The following ZNF638 variants were observed in gnomAD, a reference collection of about 807,000 sequenced individuals.
The protein encoded by ZNF638 is CTCL tumor antigen se33-1.
Under a neutral mutation model 195.6 loss-of-function variants are expected in ZNF638, and 46 were observed. That is an observed-to-expected ratio of 0.24 (90% CI 0.19 to 0.30). The LOEUF is 0.30. ZNF638 is among the 10% of genes least tolerant of loss of function. ZNF638 has a pLI of 1.00. For synonymous variants in ZNF638, 845 were observed against 772.0 expected (o/e 1.09, Z -1.57); for missense variants, 2,440 against 2,325.3 (o/e 1.05, Z -1.01).
At chr2:71,361,137 A>G (rs2079101939) in intron 3 of ZNF638, among the ~76,000 whole-genome samples, 1 of 152,060 alleles carries the variant, frequency 6.6e-6, no homozygotes. Context: ...AATTTTTTGT[A>G]TTTTTGGTAG....
rs138624887 is a variant in ZNF638 at position 71,356,303 on chromosome 2, A to G, written c.1379+523A>G. Among the ~76,000 whole-genome samples, 117 of 152,310 alleles carry G rather than the reference A, an allele frequency of 7.7e-4. 1 individual carries two copies. In the East Asian group the frequency reaches 0.021, roughly 27 times the overall value. ...TCTTCTTAAAGACAGGGCACCTGTG[A>G]AGTTTTCCCTACTGGCCATAGAGGT... On this transcript the variant is annotated intron_variant, in intron 3 of 27. Coordinates refer to ENST00000264447, the MANE Select transcript of ZNF638 (RefSeq NM_014497.5).
intron 10 of ZNF638, chr2:71,388,746 G>A (rs773865700): frequency 1.8e-6 from 2 of 1,086,248 alleles, no homozygotes; most frequent in East Asian, 2.4e-5. Flanking sequence ...TGCCCACTCG[G>A]GATATCCAAG....
At chr2:71,354,954 TATTTTA>T (rs1558837457) in intron 2 of ZNF638, among the ~76,000 whole-genome samples, 18 of 151,876 alleles carry the variant, frequency 1.2e-4, no homozygotes, top group Non-Finnish European at 2.4e-4. Context: ...GTAGCATTTT[TATTTTA>T]TTTTTATTTT....
chr2:71,333,398 T>C (rs2078607758), intron 1 of ZNF638, among the ~76,000 whole-genome samples: 1 of 152,230 alleles, frequency 6.6e-6, no homozygotes, highest in African/African-American at 2.4e-5. Flanking sequence ...TTTTATTAAC[T>C]AGTTTTCATA....
chr2:71,365,581 A>C lies in ZNF638; in HGVS notation c.1870A>C (p.Ser624Arg). Residue 624 changes from serine to arginine, a missense_variant, in exon 6 of 28, where the codon AGC (serine) becomes CGC (arginine). Physicochemically the swap from Ser to Arg is moderately radical, Grantham distance 110. Around this residue, in one of 5 missense-constraint regions of ZNF638, gnomAD observed 1,883 missense variants for 1,739.1 expected, o/e 1.08. Coordinates refer to ENST00000264447, the MANE Select transcript of ZNF638 (RefSeq NM_014497.5). ...SGTKPSVKPT[S>R]ATKSDSNLGG... ...AACAAAACCATCAGTTAAACCTACAAGCGCTACAAAGAGTGATTCAAATCT... is the reference window on the plus strand; with the variant it reads ...AACAAAACCATCAGTTAAACCTACACGCGCTACAAAGAGTGATTCAAATCT... 1 of 1,614,214 alleles carries C rather than the reference A, an allele frequency of 6.2e-7. No individual in the cohort carries two copies. The highest frequency in any genetic ancestry group is 8.5e-7 in the Non-Finnish European group (1 of 1,180,026).
At chr2:71,393,762 G>A (rs1268963483) in intron 10 of ZNF638, 1 of 628,410 alleles carries the variant, frequency 1.6e-6, no homozygotes, top group Non-Finnish European at 2.9e-6. Context: ...CTGTTACCTG[G>A]GCAGGCACCC....
rs184156516 is a variant in ZNF638 at position 71,332,668 on chromosome 2, A to G, written c.-203+793A>G. Among the ~76,000 whole-genome samples, 68 of 152,296 alleles carry G rather than the reference A, an allele frequency of 4.5e-4. No individual in the cohort carries two copies. The East Asian group carries it at 8.5e-3, about 19-fold the overall frequency. On this transcript the variant is annotated intron_variant, in intron 1 of 27. Coordinates refer to ENST00000264447, the MANE Select transcript of ZNF638 (RefSeq NM_014497.5). ...GTTCTCTTAAAGGAAGGGGGAATGT[A>G]TATATCACAGACTGGAATCCTTGAG...
chr2:71,369,597 T>A lies in ZNF638; in HGVS notation c.2143-286T>A, dbSNP rs2542515. ...GACCATATCTTCCCTTCCCTCCTGTTGTTCAGTGAGCCCTGCCTTCTCATT... is the reference window on the plus strand; with the variant it reads ...GACCATATCTTCCCTTCCCTCCTGTAGTTCAGTGAGCCCTGCCTTCTCATT... On this transcript the variant is annotated intron_variant, in intron 7 of 27. Transcript: ENST00000264447. Among the ~76,000 whole-genome samples the A allele has an allele frequency of 0.099, 15,071 of 152,230 alleles. 810 individuals carry two copies. Among genetic ancestry groups the A allele is most frequent in the Non-Finnish European group, 0.12 (8,345 of 68,002 alleles).
rs58219651 is a variant in ZNF638 at position 71,386,293 on chromosome 2, CAAAAAAA to C, written c.2377+5746_2377+5752del. 2.9e-3 allele frequency among the ~76,000 whole-genome samples: 251 copies of C among 85,208 alleles called. 2 individuals carry two copies. Among genetic ancestry groups the C allele is most frequent in the African/African-American group, 9.7e-3 (232 of 23,870 alleles). The allele number at this position is 85,208 out of a possible 152,430, so 55.9% of individuals were successfully genotyped here. A position where few individuals can be genotyped will look rare whatever the true frequency, so the allele number is the denominator to read the frequency against. ...TATGCAACAGAGTGAGACCTTGTCTCAAAAAAAAAAAAAAAAAAAAAAAAGTTTCTTA... is the reference window on the plus strand; with the variant it reads ...TATGCAACAGAGTGAGACCTTGTCTCAAAAAAAAAAAAAAAAAGTTTCTTA... On this transcript the variant is annotated intron_variant, in intron 10 of 27. Transcript: ENST00000264447.
intron 3 of ZNF638, among the ~76,000 whole-genome samples, chr2:71,360,792 CCTTG>C (rs1416261716): frequency 6.6e-6 from 1 of 152,144 alleles, no homozygotes; most frequent in Admixed American, 6.5e-5. Context: ...TTAACTAGGT[CCTTG>C]CTCTTAATAG....
At position 71,393,748 on chromosome 2, in the gene ZNF638, C is replaced by T. The variant is rs531546454; in HGVS notation, c.2378-2393C>T. 798 of 641,872 alleles carry T rather than the reference C, an allele frequency of 1.2e-3. 1 individual carries two copies. The highest frequency in any genetic ancestry group is 2.3e-3 in the Middle Eastern group (8 of 3,518). 39.8% of individuals were successfully genotyped at this position (641,872 alleles called of 1,614,324 possible). A position where few individuals can be genotyped will look rare whatever the true frequency, so the allele number is the denominator to read the frequency against. ...TCATCTGTTAGATCCGCCTTTCTTA[C>T]GCCCTGTTACCTGGGCAGGCACCCC... On this transcript the variant is annotated intron_variant, in intron 10 of 27. Transcript: ENST00000264447.
At position 71,408,470 on chromosome 2, in the gene ZNF638, T is replaced by TA. The variant is rs1266130249; in HGVS notation, c.3261+224dup. The TA allele has an allele frequency of 2.1e-5, 10 of 474,126 alleles. No homozygotes were observed. In the East Asian group the frequency reaches 4.1e-4, roughly 20 times the overall value. 29.4% of individuals were successfully genotyped at this position (474,126 alleles called of 1,614,324 possible). ...TAACATATATGCATTTTTGAATACT[T>TA]ACTGTTGACATGTAGGTATCTACAT... On this transcript the variant is annotated intron_variant, in intron 20 of 27. Coordinates refer to ENST00000264447, the MANE Select transcript of ZNF638 (RefSeq NM_014497.5).
chr2:71,387,742 ATTCT>A (rs2079673689), intron 10 of ZNF638, among the ~76,000 whole-genome samples: 1 of 152,212 alleles, frequency 6.6e-6, no homozygotes, highest in Admixed American at 6.5e-5. Context: ...TGATAACAGT[ATTCT>A]TTAAGTGTGG....
Position 71,396,371 on chromosome 2 carries a change from A to G in ZNF638, c.2428+180A>G, listed in dbSNP as rs539582567. ...ATGATATGTACTAGATAATGCTTCT[A>G]TAGTAATTATTGAAATAATTAACTG... On this transcript the variant is annotated intron_variant, in intron 11 of 27. Coordinates refer to ENST00000264447, the MANE Select transcript of ZNF638 (RefSeq NM_014497.5). 3.3e-4 allele frequency among the ~76,000 whole-genome samples: 50 copies of G among 152,336 alleles called. 1 individual carries two copies. The highest frequency in any genetic ancestry group is 1.0e-3 in the African/African-American group (43 of 41,574).
chr2:71,333,353 A>G (rs1017275304), intron 1 of ZNF638, among the ~76,000 whole-genome samples: 3 of 152,232 alleles, frequency 2.0e-5, no homozygotes, highest in African/African-American at 7.2e-5. Context: ...AAGGGTAAAT[A>G]TAACAGTTGG....
intron 3 of ZNF638, among the ~76,000 whole-genome samples, chr2:71,360,583 C>T (rs1027372922): frequency 1.1e-4 from 16 of 147,332 alleles, no homozygotes; most frequent in Non-Finnish European, 2.1e-4. Context: ...TTTTGTTTGT[C>T]TTTTTTTTTT....
At chr2:71,421,769 C>T (rs987102100) in intron 21 of ZNF638, among the ~76,000 whole-genome samples, 16 of 152,174 alleles carry the variant, frequency 1.1e-4, no homozygotes, top group Non-Finnish European at 2.2e-4. Context: ...TCTGCTGCTT[C>T]TCATTATATG....
In ZNF638 at chr2:71,384,675, C is replaced by G. The variant is rs139277213; in HGVS notation, c.2377+4110C>G. ...GTAAGGCTCATCTCTGATGAAACTT[C>G]CTTGATCGAATGATTTTTTTCTCTT... is the stretch of plus-strand genomic sequence containing the variant. On this transcript the variant is annotated intron_variant, in intron 10 of 27. Transcript: ENST00000264447. Among the ~76,000 whole-genome samples the G allele has an allele frequency of 3.8e-3, 574 of 150,008 alleles. 2 individuals are homozygous for G. Among genetic ancestry groups the G allele is most frequent in the African/African-American group, 0.013 (543 of 41,080 alleles).
chr2:71,355,679 G>C, intron 2 of ZNF638, 40 bp from the exon 3 acceptor site: 1 of 1,306,184 alleles, frequency 7.7e-7, no homozygotes. Context: ...GTCAACATGA[G>C]GAATATTCTA....
Sources: allele counts gnomAD v4.1 joint callset (sites outside exome capture counted in the v4.1 genomes callset), GRCh38; gene constraint gnomAD v4.1.1; regional missense constraint gnomAD v4.1.1; transcripts MANE v1.5; gene names NCBI Gene and HGNC (gene_info 2026-07-23, HGNC 2026-07-21).